The following TMEM165 variants were observed in gnomAD, a reference collection of about 807,000 sequenced individuals.
TMEM165 encodes the protein putative divalent cation/proton antiporter TMEM165.
TMEM165 carries 19 observed loss-of-function variants against 30.0 expected under a neutral mutation model. The observed-to-expected ratio is 0.63, with a 90% CI of 0.44 to 0.93. The LOEUF (loss-of-function observed/expected upper bound fraction) is 0.93, where lower values mean the gene tolerates loss of function less well. Among genes scored for constraint, TMEM165 ranks in the 40% least tolerant of loss-of-function variants. The pLI is 0.00. For synonymous variants in TMEM165, 168 were observed against 162.9 expected (o/e 1.03, Z -0.24); for missense variants, 340 against 417.0 (o/e 0.82, Z 1.61).
intron 3 of TMEM165, chr4:55,442,568 G>A: frequency 3.7e-6 from 6 of 1,612,238 alleles, no homozygotes; most frequent in Non-Finnish European, 5.1e-6. Context: ...GGGGCTGTAA[G>A]AGTGCTCTGT....
At chr4:55,414,066 A>T (rs7663955) in intron 2 of TMEM165, among the ~76,000 whole-genome samples, 103,092 of 151,928 alleles carry the variant, frequency 0.68, 36,937 homozygotes, top group East Asian at 0.98. Context: ...CAGGAGATCG[A>T]GGCCATCCTG....
intron 3 of TMEM165, among the ~76,000 whole-genome samples, chr4:55,451,865 T>C (rs1192352913): frequency 2.0e-5 from 3 of 152,228 alleles, no homozygotes; most frequent in Non-Finnish European, 4.4e-5. Context: ...GGGAAGTTGT[T>C]TGCATTATTC....
At chr4:55,438,510 G>C in intron 3 of TMEM165, 1 of 1,613,616 alleles carries the variant, frequency 6.2e-7, no homozygotes, top group Admixed American at 1.7e-5. Flanking sequence ...TCACTAATTT[G>C]GTCACAAGTT....
chr4:55,433,088 C>T (rs1034393023), intron 3 of TMEM165: 1 of 152,418 alleles, frequency 6.6e-6, no homozygotes, highest in Non-Finnish European at 1.5e-5. Flanking sequence ...AAATGAGGCA[C>T]AACTCAGATA....
intron 3 of TMEM165, among the ~76,000 whole-genome samples, chr4:55,441,390 A>C (rs1397972070): frequency 6.6e-6 from 1 of 152,214 alleles, no homozygotes; most frequent in Non-Finnish European, 1.5e-5. Context: ...GTATCTACCC[A>C]AAGGAAAAGA....
intron 4 of TMEM165, among the ~76,000 whole-genome samples, chr4:55,420,826 CA>C (rs577304655): frequency 2.6e-5 from 4 of 151,758 alleles, no homozygotes; most frequent in Non-Finnish European, 4.4e-5. Flanking sequence ...GGTTCTAGGC[CA>C]AAAAAGGGTG....
At chr4:55,427,053 T>TA (rs10654590), downstream of TMEM165, among the ~76,000 whole-genome samples, 12 of 143,888 alleles carry the variant, frequency 8.3e-5, no homozygotes, top group African/African-American at 1.3e-4. Context: ...TTTTTTTTTT[T>TA]GAGAGAGTCT....
intron 1 of TMEM165, among the ~76,000 whole-genome samples, chr4:55,402,240 CAT>C (rs1204136408): frequency 3.6e-5 from 5 of 137,222 alleles, no homozygotes; most frequent in Admixed American, 7.6e-5. Context: ...CAAAATATTA[CAT>C]ATAAATTCTA....
chr4:55,451,852 G>A (rs1279858074), intron 3 of TMEM165, among the ~76,000 whole-genome samples: 1 of 152,152 alleles, frequency 6.6e-6, no homozygotes, highest in Non-Finnish European at 1.5e-5. Flanking sequence ...ATCCATGAAA[G>A]CAGGGAAGTT....
chr4:55,409,146 A>G (rs1721384716), intron 1 of TMEM165, among the ~76,000 whole-genome samples: 1 of 152,166 alleles, frequency 6.6e-6, no homozygotes, highest in Admixed American at 6.5e-5. Context: ...ATTAAACTCA[A>G]TTCATTGAGA....
At chr4:55,403,940 T>C (rs1721158104) in intron 1 of TMEM165, among the ~76,000 whole-genome samples, 2 of 152,212 alleles carry the variant, frequency 1.3e-5, no homozygotes, top group Non-Finnish European at 2.9e-5. Flanking sequence ...CATGTTCATA[T>C]GTTTCTCTTA....
chr4:55,414,150 G>C (rs974260920), intron 2 of TMEM165, among the ~76,000 whole-genome samples: 2 of 151,986 alleles, frequency 1.3e-5, no homozygotes, highest in Non-Finnish European at 2.9e-5. Context: ...GGCATCTGTA[G>C]TCCTAGCTAC....
chr4:55,448,245 C>G (rs751219327), intron 3 of TMEM165, among the ~76,000 whole-genome samples: 4 of 152,152 alleles, frequency 2.6e-5, no homozygotes, highest in Non-Finnish European at 5.9e-5. Context: ...GCCTGTTACA[C>G]ACAAAGAACT....
chr4:55,416,968 AC>A (rs1721757102), intron 2 of TMEM165, 103 bp from the exon 3 acceptor site: 1 of 988,594 alleles, frequency 1.0e-6, no homozygotes, highest in Non-Finnish European at 1.5e-6. Flanking sequence ...TCTAATGTGA[AC>A]CATTTTTCTT....
intron 1 of TMEM165, among the ~76,000 whole-genome samples, chr4:55,400,265 A>ATTAATTATT: frequency 1.1e-5 from 1 of 92,876 alleles, no homozygotes; most frequent in South Asian, 2.8e-4. Flanking sequence ...ATTAATATAT[A>ATTAATTATT]ATATATAATA....
chr4:55,430,087 T>C (rs184429563), downstream of TMEM165: 1 of 152,364 alleles, frequency 6.6e-6, no homozygotes, highest in East Asian at 1.9e-4. Flanking sequence ...TAAATACATT[T>C]AGCCATTTTT....
chr4:55,431,945 C>T (rs576755026), intron 3 of TMEM165: 2 of 152,292 alleles, frequency 1.3e-5, no homozygotes, highest in African/African-American at 4.8e-5. Context: ...GTGCTCCTAG[C>T]GTCAAGCAGA....
At chr4:55,416,827 A>T (rs1399516634) in intron 2 of TMEM165, 1 of 340,312 alleles carries the variant, frequency 2.9e-6, no homozygotes, top group Non-Finnish European at 5.3e-6. Context: ...TCTCTCAGGA[A>T]GATGTGCCAT....
chr4:55,438,377 G>T, intron 3 of TMEM165: 1 of 1,613,888 alleles, frequency 6.2e-7, no homozygotes, highest in Non-Finnish European at 8.5e-7. Context: ...TGCTGCTGCT[G>T]CTGCGTTACT....
Sources: gnomAD v4.1 joint callset for allele counts (sites outside exome capture counted in the v4.1 genomes callset) on GRCh38, gnomAD v4.1.1 for gene constraint, MANE v1.5 for transcripts, NCBI Gene and HGNC (gene_info 2026-07-23, HGNC 2026-07-21) for gene names.